Variants in NALF1 observed in about 807,000 individuals in gnomAD.
The protein encoded by NALF1 is NALCN channel auxiliary factor 1, also known as family with sequence similarity 155 member A.
NALF1 carries 3 observed loss-of-function variants against 48.4 expected under a neutral mutation model. That is an observed-to-expected ratio of 0.06 (90% CI 0.03 to 0.16). The LOEUF (loss-of-function observed/expected upper bound fraction) is 0.16. NALF1 is among the 10% of genes least tolerant of loss of function. The pLI, the probability that NALF1 is intolerant of heterozygous loss-of-function variation, is 1.00. For missense variants in NALF1, 526 were observed against 571.5 expected (o/e 0.92, Z 0.81); for synonymous variants, 262 against 245.7 (o/e 1.07, Z -0.62).
chr13:107,854,644 G>A (rs749962522), intron 1 of NALF1, among the ~76,000 whole-genome samples: 2 of 152,010 alleles, frequency 1.3e-5, no homozygotes, highest in Non-Finnish European at 2.9e-5. Flanking sequence ...AGGCCGAGGC[G>A]GGCAGATCAC....
intron 1 of NALF1, among the ~76,000 whole-genome samples, chr13:107,648,208 C>T (rs1880360539): frequency 2.0e-5 from 3 of 152,104 alleles, no homozygotes; most frequent in Admixed American, 2.0e-4. Flanking sequence ...CCCTCATTCA[C>T]ATTAGGGTTC....
intron 1 of NALF1, among the ~76,000 whole-genome samples, chr13:107,630,361 T>C (rs1879802177): frequency 6.6e-6 from 1 of 152,132 alleles, no homozygotes; most frequent in Non-Finnish European, 1.5e-5. Context: ...GGGCCCTTTC[T>C]GAACTATTTT....
intron 1 of NALF1, chr13:107,788,926 A>G (rs1037166566): frequency 6.6e-6 from 1 of 152,220 alleles, no homozygotes; most frequent in Non-Finnish European, 1.5e-5. Context: ...TGGCCATAAT[A>G]GAAAGCAAAT....
At position 107,288,526 on chromosome 13, in the gene NALF1, C is replaced by T. The variant is rs1594105662; in HGVS notation, c.916-77771G>A. On this transcript the variant is annotated intron_variant, in intron 1 of 2. Transcript: ENST00000375915. Reference sequence around the variant, plus strand: ...TGAGCCACCGCGCCCAGCCTGAAAACTTTTTTTTTTTTTTTTGAGATGGTG... The same window carrying T: ...TGAGCCACCGCGCCCAGCCTGAAAATTTTTTTTTTTTTTTTTGAGATGGTG... Among the ~76,000 whole-genome samples, 5 of 119,132 alleles carry T rather than the reference C, an allele frequency of 4.2e-5. No individual in the cohort carries two copies. In the South Asian group the frequency reaches 1.4e-3, roughly 32 times the overall value. 78.2% of individuals were successfully genotyped at this position (119,132 alleles called of 152,430 possible). A position where few individuals can be genotyped will look rare whatever the true frequency, so the allele number is the denominator to read the frequency against.
At chr13:107,311,778 T>C (rs991386873) in intron 1 of NALF1, among the ~76,000 whole-genome samples, 1 of 152,068 alleles carries the variant, frequency 6.6e-6, no homozygotes, top group Non-Finnish European at 1.5e-5. Context: ...AACAGACACT[T>C]CTCAAAAGAA....
At position 107,589,950 on chromosome 13, in the gene NALF1, C is replaced by A. The variant is rs555428237; in HGVS notation, c.915+275732G>T. Among the ~76,000 whole-genome samples the A allele has an allele frequency of 1.2e-3, 189 of 152,082 alleles. 2 individuals carry two copies. Among genetic ancestry groups the A allele is most frequent in the African/African-American group, 4.3e-3 (178 of 41,510 alleles). On this transcript the variant is annotated intron_variant, in intron 1 of 2. Transcript: ENST00000375915. ...TGGTAGCTACTAGGCACTTCCACCA[C>A]TTCTATTACGAATAGATTACTATTT...
intron 1 of NALF1, among the ~76,000 whole-genome samples, chr13:107,736,210 C>T (rs1404753714): frequency 1.7e-4 from 1 of 5,850 alleles, no homozygotes; most frequent in Non-Finnish European, 2.5e-3. Flanking sequence ...CACACACACA[C>T]ACACACACAC....
At chr13:107,743,946 T>C (rs1439498926) in intron 1 of NALF1, among the ~76,000 whole-genome samples, 4 of 152,100 alleles carry the variant, frequency 2.6e-5, no homozygotes, top group Non-Finnish European at 5.9e-5. Flanking sequence ...TTATGCAAAA[T>C]AGATTAGAAT....
intron 1 of NALF1, among the ~76,000 whole-genome samples, chr13:107,784,150 G>A (rs1453721398): frequency 6.6e-6 from 1 of 152,166 alleles, no homozygotes; most frequent in Non-Finnish European, 1.5e-5. Context: ...ACATATACTT[G>A]TTTAGTTTAG....
intron 2 of NALF1, among the ~76,000 whole-genome samples, chr13:107,175,305 G>T (rs1878904591): frequency 6.6e-6 from 1 of 151,650 alleles, no homozygotes; most frequent in Admixed American, 6.6e-5. Context: ...TCTTAAAACT[G>T]ACTTCCACCC....
At chr13:107,298,370 A>AAAAAAAAAAAAAAAAAAAAC (rs1881766909) in intron 1 of NALF1, among the ~76,000 whole-genome samples, 1 of 149,522 alleles carries the variant, frequency 6.7e-6, no homozygotes, top group Admixed American at 6.7e-5. Flanking sequence ...AAAAAAAAAA[A>AAAAAAAAAAAAAAAAAAAAC]AAAAAAAAAA....
chr13:107,684,688 TATC>T (rs1421596635), intron 1 of NALF1, among the ~76,000 whole-genome samples: 1 of 152,228 alleles, frequency 6.6e-6, no homozygotes, highest in Non-Finnish European at 1.5e-5. Context: ...GAAAAAAACC[TATC>T]ATTTCAGTTC....
intron 1 of NALF1, among the ~76,000 whole-genome samples, chr13:107,735,133 T>C (rs959950461): frequency 2.6e-5 from 4 of 151,978 alleles, no homozygotes; most frequent in African/African-American, 7.2e-5. Flanking sequence ...CTAAATCCAA[T>C]TGCATGGGCC....
intron 2 of NALF1, among the ~76,000 whole-genome samples, chr13:107,194,489 A>G (rs1019440777): frequency 6.6e-6 from 1 of 152,220 alleles, no homozygotes; most frequent in South Asian, 2.1e-4. Context: ...ATCCTATTCA[A>G]TAACTGGTGT....
At chr13:107,589,860 A>C (rs551244581) in intron 1 of NALF1, among the ~76,000 whole-genome samples, 1 of 134,386 alleles carries the variant, frequency 7.4e-6, no homozygotes, top group Non-Finnish European at 1.6e-5. Context: ...CTAATAACAT[A>C]TCAGGCAGGA....
intron 1 of NALF1, among the ~76,000 whole-genome samples, chr13:107,325,893 C>T (rs1209851004): frequency 2.9e-4 from 28 of 98,106 alleles, no homozygotes; most frequent in Middle Eastern, 5.5e-3. Context: ...TATATACACA[C>T]ACACACACAC....
At chr13:107,472,715 C>T (rs1885120435) in intron 1 of NALF1, among the ~76,000 whole-genome samples, 1 of 152,102 alleles carries the variant, frequency 6.6e-6, no homozygotes, top group Non-Finnish European at 1.5e-5. Flanking sequence ...CAGGGGCTCT[C>T]GGGCCATTGA....
intron 1 of NALF1, among the ~76,000 whole-genome samples, chr13:107,545,988 G>T (rs1877127054): frequency 6.6e-6 from 1 of 152,024 alleles, no homozygotes; most frequent in South Asian, 2.1e-4. Flanking sequence ...TAAAAACAGG[G>T]GCTTTCTTTA....
chr13:107,752,006 A>T (rs932025211), intron 1 of NALF1, among the ~76,000 whole-genome samples: 1 of 152,196 alleles, frequency 6.6e-6, no homozygotes, highest in African/African-American at 2.4e-5. Context: ...AAACATATTA[A>T]TATTTATATT....
Sources: gnomAD v4.1 joint callset for allele counts (sites outside exome capture counted in the v4.1 genomes callset) on GRCh38, gnomAD v4.1.1 for gene constraint, MANE v1.5 for transcripts, NCBI Gene and HGNC (gene_info 2026-07-23, HGNC 2026-07-21) for gene names.